The following ZNF18 variants were observed in gnomAD, a reference collection of about 807,000 sequenced individuals.
The protein encoded by ZNF18 is zinc finger protein 18, also known as heart development-specific gene 1 protein.
Under a neutral mutation model 58.1 loss-of-function variants are expected in ZNF18, and 42 were observed. That is an observed-to-expected ratio of 0.72 (90% CI 0.56 to 0.93). The LOEUF (loss-of-function observed/expected upper bound fraction) is 0.93, where lower values mean the gene tolerates loss of function less well. ZNF18 is among the 40% of genes least tolerant of loss of function. ZNF18 has a pLI of 0.00. For synonymous variants in ZNF18, 231 were observed against 239.8 expected (o/e 0.96, Z 0.34); for missense variants, 540 against 644.2 (o/e 0.84, Z 1.75).
the ZNF18 span, chr17:12,011,186 A>G: frequency 1.2e-5 from 7 of 568,582 alleles, no homozygotes; most frequent in South Asian, 1.4e-4. Context: ...TGGAGAACAT[A>G]TATCGGGTGC....
Position 11,978,439 on chromosome 17 carries a change from TCTC to T in ZNF18, c.1165_1167del (p.Glu389del), listed in dbSNP as rs2151465858. On this transcript the variant is annotated inframe_deletion, in exon 7 of 7. Coordinates refer to ENST00000580306, the MANE Select transcript of ZNF18 (RefSeq NM_001303281.2). Reference sequence around the variant, plus strand: ...TGCCCCTTCTGGGAGGTCTCTCTCTTCTCCTCAAGCCACATGGTGGACATTTCT... The same window carrying T: ...TGCCCCTTCTGGGAGGTCTCTCTCTTCTCAAGCCACATGGTGGACATTTCT... 8.3e-6 allele frequency: 13 copies of T among 1,559,012 alleles called. No homozygotes were observed. The highest frequency in any genetic ancestry group is 2.2e-5 in the East Asian group (1 of 44,532).
At chr17:12,009,191 A>G in the ZNF18 span, 1 of 152,192 alleles carries the variant, frequency 6.6e-6, no homozygotes, top group South Asian at 2.1e-4. Flanking sequence ...TTTCCTTCAC[A>G]TACCTGAAAA....
chr17:12,020,862 G>A, the ZNF18 span: 8 of 1,090,636 alleles, frequency 7.3e-6, no homozygotes, highest in Admixed American at 3.1e-4. Context: ...CCGCCGCGGC[G>A]CCGCTCGGCT....
chr17:12,007,309 C>T, the ZNF18 span, among the ~76,000 whole-genome samples: 4 of 152,184 alleles, frequency 2.6e-5, no homozygotes, highest in African/African-American at 9.7e-5. Flanking sequence ...GCTTCTTTAT[C>T]TCATTAGCCA....
chr17:11,983,991 C>T, intron 5 of ZNF18, 122 bp downstream of exon 5: 1 of 798,804 alleles, frequency 1.3e-6, no homozygotes, highest in Non-Finnish European at 1.9e-6. Context: ...CAACTGTGTC[C>T]CTAACGATTT....
rs1241602700 is a variant in ZNF18, at chr17:11,991,136, T to C, written c.415A>G (p.Ile139Val). 1 of 1,614,174 alleles carries C rather than the reference T, an allele frequency of 6.2e-7. No individual in the cohort carries two copies. Among genetic ancestry groups the C allele is most frequent in the Non-Finnish European group, 8.5e-7 (1 of 1,180,030 alleles). Residue 139 changes from isoleucine to valine, a missense_variant, in exon 3 of 7, where the codon ATC becomes GTC. Coordinates refer to ENST00000580306, the MANE Select transcript of ZNF18 (RefSeq NM_001303281.2). ...GGAGATTCCATCTTCTCTGATAAGA[T>C]GTCCTGTCCTAGAACCTGGATACTG... ...WISIQVLGQDILSEKMESPSC... is the reference protein window; with the variant it reads ...WISIQVLGQDVLSEKMESPSC...
At chr17:11,986,322 C>T (rs1325130010) in intron 4 of ZNF18, among the ~76,000 whole-genome samples, 3 of 152,158 alleles carry the variant, frequency 2.0e-5, no homozygotes, top group South Asian at 4.1e-4. Flanking sequence ...GGTGTGAAAA[C>T]GGACTAATAC....
chr17:12,015,858 G>A, the ZNF18 span, among the ~76,000 whole-genome samples: 2 of 151,812 alleles, frequency 1.3e-5, no homozygotes, highest in African/African-American at 2.4e-5. Flanking sequence ...GCGCGATCTC[G>A]GCTCACTGCA....
chr17:11,998,834 T>C (rs182319901), upstream of ZNF18, among the ~76,000 whole-genome samples: 1,262 of 148,230 alleles, frequency 8.5e-3, 17 homozygotes, highest in African/African-American at 0.028. Context: ...TTTTTTTTTT[T>C]TTTTTTTTTT....
Position 11,978,009 on chromosome 17 carries a change from G to A in ZNF18, c.1598C>T (p.Ser533Leu), listed in dbSNP as rs771915904. 3.1e-6 allele frequency: 5 copies of A among 1,602,420 alleles called. No homozygotes were observed. The highest frequency in any genetic ancestry group is 1.7e-5 in the Admixed American group (1 of 58,036). ...SHCGKSFSWS[S>L]SLDKHQRSHL... ...GGATCTTTGATGTTTGTCAAGGCTC[G>A]AGCTCCAGCTGAAACTTTTCCCACA... Residue 533 changes from serine (S) to leucine (L), a missense_variant, in exon 7 of 7, where the codon TCG becomes TTG. By Grantham distance (145) the Ser-to-Leu change is moderately radical. Transcript: ENST00000580306.
chr17:11,997,758 C>T (rs947477589), upstream of ZNF18, among the ~76,000 whole-genome samples: 1 of 152,262 alleles, frequency 6.6e-6, no homozygotes, highest in East Asian at 1.9e-4. Context: ...CTCGGCCAAG[C>T]ACTGCGAGGC....
At chr17:11,985,810 AC>A (rs1240394222) in intron 4 of ZNF18, among the ~76,000 whole-genome samples, 1 of 152,150 alleles carries the variant, frequency 6.6e-6, no homozygotes, top group Non-Finnish European at 1.5e-5. Flanking sequence ...TCCCAGTCTC[AC>A]CCCAAGGGTT....
intron 3 of ZNF18, 92 bp from the exon 4 acceptor site, chr17:11,990,642 A>G (rs1047495663): frequency 2.7e-5 from 26 of 975,662 alleles, no homozygotes; most frequent in Non-Finnish European, 3.1e-5. Context: ...AATCAGAACA[A>G]TACCTGAACA....
At chr17:11,979,280 C>A (rs887029320) in intron 6 of ZNF18, among the ~76,000 whole-genome samples, 1 of 152,152 alleles carries the variant, frequency 6.6e-6, no homozygotes, top group African/African-American at 2.4e-5. Flanking sequence ...TATTTTCTGA[C>A]ATAATTTGTG....
At chr17:11,990,883 A>G in intron 3 of ZNF18, 91 bp downstream of exon 3, 1 of 1,402,392 alleles carries the variant, frequency 7.1e-7, no homozygotes, top group African/African-American at 1.4e-5. Flanking sequence ...GGATACGCCA[A>G]TCTGAGCAGC....
chr17:11,995,711 G>A (rs1968431346), intron 1 of ZNF18: 1 of 149,880 alleles, frequency 6.7e-6, no homozygotes, highest in Non-Finnish European at 1.5e-5. Context: ...AGTCAGTGAA[G>A]TCAAAAAATC....
chr17:12,001,915 A>T (rs1419038294), upstream of ZNF18, among the ~76,000 whole-genome samples: 1 of 152,124 alleles, frequency 6.6e-6, no homozygotes, highest in Non-Finnish European at 1.5e-5. Context: ...AAATTCAGAG[A>T]TAATAGAGCA....
chr17:11,998,822 CT>C (rs71142260), upstream of ZNF18, among the ~76,000 whole-genome samples: 2,352 of 108,576 alleles, frequency 0.022, 17 homozygotes, highest in East Asian at 0.054. Context: ...AGTTTCTAGT[CT>C]TTTTTTTTTT....
intron 2 of ZNF18, 77 bp downstream of exon 2, chr17:11,992,366 G>A (rs1043096010): frequency 2.2e-5 from 33 of 1,524,682 alleles, no homozygotes; most frequent in Non-Finnish European, 2.9e-5. Flanking sequence ...AGTGGTATCA[G>A]AAAAAAGACA....
Sources: allele counts gnomAD v4.1 joint callset (sites outside exome capture counted in the v4.1 genomes callset), GRCh38; gene constraint gnomAD v4.1.1; transcripts MANE v1.5; gene names NCBI Gene and HGNC (gene_info 2026-07-23, HGNC 2026-07-21).